Variants in B4GALNT4 observed in about 807,000 individuals in gnomAD.
The protein encoded by B4GALNT4 is beta-1,4-N-acetyl-galactosaminyltransferase 4.
A neutral mutation model predicts 110.0 loss-of-function variants in B4GALNT4; 77 were observed. That is an observed-to-expected ratio of 0.70 (90% CI 0.58 to 0.85). The LOEUF is 0.85. Ranked by LOEUF, B4GALNT4 falls within the 40% of genes least tolerant of loss-of-function variation. The pLI, the probability that B4GALNT4 is intolerant of heterozygous loss-of-function variation, is 0.00. For missense variants in B4GALNT4, 1,575 were observed against 1,506.0 expected (o/e 1.05, Z -0.76); for synonymous variants, 785 against 655.5 (o/e 1.20, Z -3.02).
Position 381,793 on chromosome 11 carries a change from G to T in B4GALNT4, c.*1G>T. ...GGGCTCTCGCACGGGGGCGTCTTGA[G>T]GACGGGCAGCCCCTCCCAGCCCCGG... On this transcript the variant is annotated 3_prime_UTR_variant, in exon 20 of 20. Coordinates refer to ENST00000329962, the MANE Select transcript of B4GALNT4 (RefSeq NM_178537.5). The T allele has an allele frequency of 6.3e-7, 1 of 1,575,534 alleles. No individual in the cohort carries two copies.
chr11:380,134 C>T lies in B4GALNT4; in HGVS notation c.2647C>T (p.Gln883Ter). The T allele has an allele frequency of 6.2e-7, 1 of 1,603,036 alleles. No homozygotes were observed. Among genetic ancestry groups the T allele is most frequent in the Non-Finnish European group, 8.5e-7 (1 of 1,172,688 alleles). ...CCTGTGACTCGCCCTCCCCAGGTAC[C>T]AGTACCTGAGACGAACCGGGAACTT... The part of the protein sequence containing the change: ...ALRAARLPRY[Q>*]YLRRTGNFER... Residue 883 changes from glutamine to a stop codon, truncating the protein, a stop_gained, in exon 17 of 20, where the codon CAG (glutamine) becomes TAG (stop). Coordinates refer to ENST00000329962, the MANE Select transcript of B4GALNT4 (RefSeq NM_178537.5). LOFTEE classifies it high-confidence loss of function.
chr11:372,042 C>G (rs1846626350), intron 1 of B4GALNT4, 67 bp from the exon 2 acceptor site: 1 of 1,363,052 alleles, frequency 7.3e-7, no homozygotes, highest in Non-Finnish European at 1.0e-6. Context: ...CCAGCTGAAC[C>G]CAGCAGCAGG....
rs780196029 is a variant in B4GALNT4, at chr11:373,017, C to T, written c.445-9C>T. 6.2e-6 allele frequency: 10 copies of T among 1,611,824 alleles called. No individual in the cohort carries two copies. In the Admixed American group the frequency reaches 1.0e-4, roughly 16 times the overall value. On this transcript the variant is annotated splice_polypyrimidine_tract_variant and intron_variant, in intron 4 of 19. Transcript: ENST00000329962. ...GGGGCTTCGACAGCAACAGTCACTG[C>T]CCCCCCAGACGCGCACCACCGTGAA...
chr11:376,598 G>C lies in B4GALNT4; in HGVS notation c.1475G>C (p.Arg492Pro), dbSNP rs1374033358. The C allele has an allele frequency of 1.5e-6, 2 of 1,342,458 alleles. No individual in the cohort carries two copies. The highest frequency in any genetic ancestry group is 1.9e-6 in the Non-Finnish European group (2 of 1,049,642). 83.2% of individuals were successfully genotyped at this position (1,342,458 alleles called of 1,614,324 possible). ...PRDGGTPRHS[R>P]ALSWAARAAR... is the part of the protein sequence containing the mutation. ...GACGGGGGGACCCCCAGGCACTCCCGGGCCCTGAGCTGGGCCGCCAGGGCC... is the reference window on the plus strand; with the variant it reads ...GACGGGGGGACCCCCAGGCACTCCCCGGCCCTGAGCTGGGCCGCCAGGGCC... The change falls in exon 14 of 20, where the codon CGG becomes CCG. Residue 492 changes from arginine to proline, a missense_variant. Coordinates refer to ENST00000329962, the MANE Select transcript of B4GALNT4 (RefSeq NM_178537.5).
rs376447344 is a variant in B4GALNT4, at chr11:375,787, C to G, written c.985+14C>G. ...CCTTTTTCCTCAGTGAGAGGGGGCC[C>G]GCGCGGGGGCGAGGGCGGGGGTGCC... On this transcript the variant is annotated intron_variant, in intron 10 of 19. Transcript: ENST00000329962. 6.3e-7 allele frequency: 1 copy of G among 1,599,896 alleles called. No individual in the cohort carries two copies. Among genetic ancestry groups the G allele is most frequent in the African/African-American group, 1.3e-5 (1 of 74,754 alleles).
rs140959935 is a variant in B4GALNT4, at chr11:380,184, G to A, written c.2697G>A (p.Ala899=). The A allele has an allele frequency of 8.7e-6, 14 of 1,603,162 alleles. No homozygotes were observed. The highest frequency in any genetic ancestry group is 1.1e-5 in the Non-Finnish European group (13 of 1,172,732). ...GNFERSAGLQ[A]GVDAVEDASS... is the part of the protein sequence containing the mutation. ...TCGAGCGCTCCGCCGGGCTGCAGGC[G>A]GGAGTGGACGCGGTAGAGGTCCGAG... Residue 899 remains alanine (A), a synonymous_variant, in exon 17 of 20, where the codon GCG becomes GCA. Transcript: ENST00000329962.
intron 15 of B4GALNT4, 43 bp downstream of exon 15, chr11:379,744 G>A (rs1323358230): frequency 6.7e-7 from 1 of 1,499,380 alleles, no homozygotes; most frequent in Non-Finnish European, 8.9e-7. Flanking sequence ...CCTCGTGGAA[G>A]GAACATGGAC....
chr11:371,186 T>C (rs1484504010), intron 1 of B4GALNT4, among the ~76,000 whole-genome samples: 1 of 152,150 alleles, frequency 6.6e-6, no homozygotes, highest in East Asian at 1.9e-4. Flanking sequence ...CCAGGGCACC[T>C]GTACACTTGC....
In B4GALNT4 at chr11:379,552, G is replaced by A. The variant is rs996140395; in HGVS notation, c.2339G>A (p.Arg780Gln). 15 of 1,587,266 alleles carry A rather than the reference G, an allele frequency of 9.5e-6. No individual in the cohort carries two copies. Among genetic ancestry groups the A allele is most frequent in the African/African-American group, 1.4e-5 (1 of 73,756 alleles). The change falls in exon 15 of 20, where the codon CGG (arginine) becomes CAG (glutamine). Residue 780 changes from arginine to glutamine, a missense_variant. Physicochemically the swap from Arg to Gln is conservative, Grantham distance 43. Coordinates refer to ENST00000329962, the MANE Select transcript of B4GALNT4 (RefSeq NM_178537.5). ...CGACTGTCCGAGTACGTCTTCCTGC[G>A]GCTGCCGGGAGCCCGCGTAGGGGAT... ...RLRLSEYVFL[R>Q]LPGARVGDAD...
At position 376,692 on chromosome 11, in the gene B4GALNT4, A is replaced by C; in HGVS notation, c.1569A>C (p.Pro523=). 7.0e-7 allele frequency: 1 copy of C among 1,425,716 alleles called. No homozygotes were observed. Among genetic ancestry groups the C allele is most frequent in the Non-Finnish European group, 9.1e-7 (1 of 1,094,790 alleles). The allele number at this position is 1,425,716 out of a possible 1,614,324, so 88.3% of individuals were successfully genotyped here. The change falls in exon 14 of 20, where the codon CCA becomes CCC. Residue 523 remains proline (P), a synonymous_variant. Coordinates refer to ENST00000329962, the MANE Select transcript of B4GALNT4 (RefSeq NM_178537.5). ...GCCCTGCAGTGGAGCAGCCGCCCCC[A>C]AAGGTGTACGTGACCAGGGTGCGGC... ...PPRPAVEQPP[P]KVYVTRVRPG...
rs1408669787 is a variant in B4GALNT4 at position 373,379 on chromosome 11, T to C, written c.637-70T>C. The C allele has an allele frequency of 5.2e-6, 8 of 1,550,480 alleles. No individual in the cohort carries two copies. In the African/African-American group the frequency reaches 5.7e-5, roughly 11 times the overall value. The stretch of plus-strand genomic sequence containing the variant: ...CAGCCTCTTGGGAATGAGGACCCGA[T>C]GGGTTTGGTGTCCCCAGGGAGAGAG... On this transcript the variant is annotated intron_variant, in intron 6 of 19. Coordinates refer to ENST00000329962, the MANE Select transcript of B4GALNT4 (RefSeq NM_178537.5).
intron 14 of B4GALNT4, among the ~76,000 whole-genome samples, chr11:377,862 C>T (rs376469782): frequency 2.2e-4 from 34 of 152,348 alleles, no homozygotes; most frequent in African/African-American, 7.9e-4. Context: ...CCCCAGGAAT[C>T]TAGTGCTGTC....
intron 18 of B4GALNT4, 146 bp from the exon 19 acceptor site, chr11:380,679 C>A: frequency 7.2e-7 from 1 of 1,397,990 alleles, no homozygotes; most frequent in East Asian, 2.3e-5. Context: ...AGGGTCATGA[C>A]CCAGTACCAC....
Position 380,914 on chromosome 11 carries a change from G to T in B4GALNT4, c.2959G>T (p.Asp987Tyr). ...AGGAATGAACACGGAGGAGTTCCGAGACCAGTGGGGGGGTGAAGACTGGGA... is the reference window on the plus strand; with the variant it reads ...AGGAATGAACACGGAGGAGTTCCGATACCAGTGGGGGGGTGAAGACTGGGA... ...VGGMNTEEFR[D>Y]QWGGEDWELL... The change falls in exon 19 of 20, where the codon GAC becomes TAC. Residue 987 changes from aspartate to tyrosine, a missense_variant. Coordinates refer to ENST00000329962, the MANE Select transcript of B4GALNT4 (RefSeq NM_178537.5). 6.2e-7 allele frequency: 1 copy of T among 1,613,576 alleles called. No homozygotes were observed. The highest frequency in any genetic ancestry group is 1.1e-5 in the South Asian group (1 of 91,036).
chr11:369,759 C>T lies in B4GALNT4; in HGVS notation c.-45C>T. 1.1e-6 allele frequency: 1 copy of T among 942,630 alleles called. No individual in the cohort carries two copies. Among genetic ancestry groups the T allele is most frequent in the Non-Finnish European group, 1.3e-6 (1 of 795,110 alleles). The allele number at this position is 942,630 out of a possible 1,614,324, so 58.4% of individuals were successfully genotyped here. On this transcript the variant is annotated 5_prime_UTR_variant, in exon 1 of 20. An upstream open reading frame in the 5' UTR gains an earlier in-frame stop. Transcript: ENST00000329962. ...CGGGGCGGGCGGGGGCCGGGGGCTG[C>T]AGCGGCGCCGCTGAGCGCGGCCTGG...
intron 8 of B4GALNT4, 90 bp downstream of exon 8, chr11:373,918 T>C (rs1421086812): frequency 2.4e-5 from 32 of 1,339,088 alleles, no homozygotes; most frequent in Middle Eastern, 1.8e-4. Context: ...CGTCCCAAAG[T>C]TGACAAAGCA....
At chr11:380,104 T>G in intron 16 of B4GALNT4, 26 bp from the exon 17 acceptor site, 1 of 1,594,696 alleles carries the variant, frequency 6.3e-7, no homozygotes, top group Non-Finnish European at 8.6e-7. Context: ...CCCCCAGAGA[T>G]CGTGCCTGTG....
At position 375,507 on chromosome 11, in the gene B4GALNT4, C is replaced by T; in HGVS notation, c.830C>T (p.Ala277Val). The T allele has an allele frequency of 1.2e-6, 2 of 1,611,564 alleles. No individual in the cohort carries two copies. The highest frequency in any genetic ancestry group is 1.7e-6 in the Non-Finnish European group (2 of 1,179,786). ...PGLKFEVISS[A>V]HISLYTDESA... is the part of the protein sequence containing the mutation. The stretch of plus-strand genomic sequence containing the variant: ...CTGAAGTTCGAGGTCATCAGCTCTG[C>T]TCACATCTCCCTGTACACAGGTGCG... Residue 277 changes from alanine (A) to valine (V), a missense_variant, in exon 9 of 20, where the codon GCT (alanine) becomes GTT (valine). By Grantham distance (64) the Ala-to-Val change is moderately conservative (BLOSUM62 0). Transcript: ENST00000329962.
rs1228139808 is a variant in B4GALNT4 at position 379,456 on chromosome 11, G to A, written c.2243G>A (p.Arg748His). ...CTGCGCATCGTGAACGTGGAGAAGC[G>A]CCGGGACTCGGCGCGAGGGAGTCGC... ...ALLRIVNVEK[R>H]RDSARGSRFL... Residue 748 changes from arginine to histidine, a missense_variant, in exon 15 of 20, where the codon CGC (arginine) becomes CAC (histidine). Coordinates refer to ENST00000329962, the MANE Select transcript of B4GALNT4 (RefSeq NM_178537.5). 6 of 1,550,726 alleles carry A rather than the reference G, an allele frequency of 3.9e-6. No homozygotes were observed. The highest frequency in any genetic ancestry group is 5.2e-6 in the Non-Finnish European group (6 of 1,156,662).
Sources: allele counts gnomAD v4.1 joint callset (sites outside exome capture counted in the v4.1 genomes callset), GRCh38; gene constraint gnomAD v4.1.1; transcripts MANE v1.5; gene names NCBI Gene and HGNC (gene_info 2026-07-23, HGNC 2026-07-21).